DLEU7: variants seen among roughly 807,000 people sequenced by gnomAD.
The protein encoded by DLEU7 is deleted in lymphocytic leukemia 7.
Under a neutral mutation model 16.0 loss-of-function variants are expected in DLEU7, and 17 were observed. The observed-to-expected ratio is 1.06, with a 90% CI of 0.73 to 1.59. The LOEUF is 1.59. Among genes scored for constraint, DLEU7 ranks in the 40% most tolerant of loss-of-function variants. The pLI is 0.00. For missense variants in DLEU7, 308 were observed against 314.9 expected, an observed-to-expected ratio of 0.98 and a Z score of 0.17; for synonymous variants, 113 against 139.8, an observed-to-expected ratio of 0.81 and a Z score of 1.35.
rs144756918 is a variant in DLEU7 at position 50,752,563 on chromosome 13, G to A, written c.460-39323C>T. 7.7e-3 allele frequency among the ~76,000 whole-genome samples: 1,168 copies of A among 152,110 alleles called. 6 individuals carry two copies. Among genetic ancestry groups the A allele is most frequent in the African/African-American group, 0.026 (1,071 of 41,484 alleles). ...CCAGAGTTTGTTCCTTCTGATGTTC[G>A]GATGTGTTCAGAGTTTCTTCCTTCT... On this transcript the variant is annotated intron_variant, in intron 1 of 1. Transcript: ENST00000400393.
chr13:50,821,529 T>C, downstream of DLEU7, among the ~76,000 whole-genome samples: 1 of 152,018 alleles, frequency 6.6e-6, no homozygotes, highest in South Asian at 2.1e-4. Context: ...TAGCACAAAA[T>C]GTGTTCTATG....
intron 1 of DLEU7, among the ~76,000 whole-genome samples, chr13:50,720,317 C>T (rs1323427682): frequency 1.3e-5 from 2 of 152,214 alleles, no homozygotes; most frequent in African/African-American, 4.8e-5. Context: ...TCCCTTCCTT[C>T]TTCATATGTC....
chr13:50,732,020 A>G (rs1025244544), intron 1 of DLEU7, among the ~76,000 whole-genome samples: 2 of 152,190 alleles, frequency 1.3e-5, no homozygotes, highest in African/African-American at 4.8e-5. Context: ...CTACTCTGAT[A>G]TTTCATGAAA....
chr13:50,834,431 CAAA>C (rs141707617), intron 1 of DLEU7, among the ~76,000 whole-genome samples: 3 of 147,570 alleles, frequency 2.0e-5, no homozygotes, highest in Admixed American at 6.8e-5. Context: ...CAAACATATG[CAAA>C]AAAAAAAAAC....
At chr13:50,811,827 G>A (rs1184885589) in intron 1 of DLEU7, among the ~76,000 whole-genome samples, 2 of 151,990 alleles carry the variant, frequency 1.3e-5, no homozygotes, top group Non-Finnish European at 2.9e-5. Flanking sequence ...ACATCACTTC[G>A]GGAGGCCAAG....
At chr13:50,839,484 T>C (rs1877577880) in intron 1 of DLEU7, among the ~76,000 whole-genome samples, 1 of 152,222 alleles carries the variant, frequency 6.6e-6, no homozygotes, top group Non-Finnish European at 1.5e-5. Flanking sequence ...ATGTCTGTTA[T>C]CATTGTGGTG....
chr13:50,713,125 T>A, exon 2 of DLEU7: 5 of 1,463,002 alleles, frequency 3.4e-6, no homozygotes, highest in Non-Finnish European at 4.7e-6. Flanking sequence ...TGGTTTAACA[T>A]CCCATCTCAT....
At chr13:50,751,204 T>TACCACA (rs1874555095) in intron 1 of DLEU7, among the ~76,000 whole-genome samples, 1 of 152,246 alleles carries the variant, frequency 6.6e-6, no homozygotes, top group African/African-American at 2.4e-5. Context: ...ATTTTTGTTT[T>TACCACA]TAATTCTGTT....
upstream of DLEU7, chr13:50,843,746 G>A (rs893150761): frequency 2.4e-5 from 34 of 1,432,910 alleles, 1 homozygote; most frequent in Non-Finnish European, 3.1e-5. The surrounding 1 kb of genome is among the most constrained non-coding windows in gnomAD (Gnocchi z 5.7). Flanking sequence ...CTAACCCGCG[G>A]CTCCTCGGCC....
chr13:50,766,353 T>C (rs1453713111), intron 1 of DLEU7, among the ~76,000 whole-genome samples: 11 of 152,208 alleles, frequency 7.2e-5, no homozygotes, highest in Admixed American at 7.2e-4. Flanking sequence ...TGCAGGCTCG[T>C]GCTGGGCTCT....
At chr13:50,786,089 G>A (rs1330545397) in intron 1 of DLEU7, among the ~76,000 whole-genome samples, 1 of 152,150 alleles carries the variant, frequency 6.6e-6, no homozygotes, top group African/African-American at 2.4e-5. Context: ...AGACTTTCGT[G>A]TGACATCATT....
At chr13:50,739,004 C>T (rs1352426014) in intron 1 of DLEU7, among the ~76,000 whole-genome samples, 6,528 of 99,746 alleles carry the variant, frequency 0.065, 197 homozygotes, top group Non-Finnish European at 0.074. Flanking sequence ...CACACACACA[C>T]GCACACACAC....
chr13:50,749,609 A>AT (rs1019890504), intron 1 of DLEU7, among the ~76,000 whole-genome samples: 23 of 151,232 alleles, frequency 1.5e-4, no homozygotes, highest in Non-Finnish European at 2.4e-4. Flanking sequence ...CTGTTTTTTG[A>AT]TTTTTTTTTA....
At chr13:50,717,580 G>GT (rs113474412) in intron 1 of DLEU7, among the ~76,000 whole-genome samples, 2,818 of 141,458 alleles carry the variant, frequency 0.02, 49 homozygotes, top group African/African-American at 0.052. Context: ...TAGGCTGTGG[G>GT]TTTTTTTTTT....
intron 1 of DLEU7, among the ~76,000 whole-genome samples, chr13:50,744,616 G>A (rs1367365380): frequency 6.6e-6 from 1 of 152,136 alleles, no homozygotes; most frequent in Non-Finnish European, 1.5e-5. Context: ...TTATAGAAAG[G>A]CAGAGTGAAG....
intron 1 of DLEU7, among the ~76,000 whole-genome samples, chr13:50,752,787 C>T (rs1406840317): frequency 6.6e-6 from 1 of 152,112 alleles, no homozygotes; most frequent in Non-Finnish European, 1.5e-5. Context: ...AAAGAGTGAG[C>T]AGCAACAAGA....
intron 1 of DLEU7, among the ~76,000 whole-genome samples, chr13:50,734,296 T>G (rs2137719378): frequency 6.6e-6 from 1 of 152,338 alleles, no homozygotes; most frequent in Non-Finnish European, 1.5e-5. Context: ...TTAGACCTGA[T>G]AGAGAACTGG....
intron 1 of DLEU7, among the ~76,000 whole-genome samples, chr13:50,795,737 A>G (rs2137777384): frequency 6.6e-6 from 1 of 152,330 alleles, no homozygotes; most frequent in Non-Finnish European, 1.5e-5. Flanking sequence ...TCAGCAAGCT[A>G]AAATGTTAAC....
chr13:50,711,564 T>A (rs905275395), downstream of DLEU7: 1 of 152,230 alleles, frequency 6.6e-6, no homozygotes, highest in Non-Finnish European at 1.5e-5. Flanking sequence ...AATACTTTGG[T>A]TTGGAAGATC....
Sources: allele counts gnomAD v4.1 joint callset (sites outside exome capture counted in the v4.1 genomes callset), GRCh38; gene constraint gnomAD v4.1.1; non-coding constraint Gnocchi (gnomAD v3.1); transcripts MANE v1.5; gene names NCBI Gene and HGNC (gene_info 2026-07-23, HGNC 2026-07-21).